SPHKAP: variants seen among roughly 807,000 people sequenced by gnomAD.
The protein encoded by SPHKAP is A-kinase anchor protein SPHKAP.
SPHKAP carries 67 observed loss-of-function variants against 137.5 expected under a neutral mutation model. The ratio of observed to expected loss-of-function variants is 0.49; its 90% CI spans 0.40 to 0.60. The LOEUF is 0.60. Ranked by LOEUF, SPHKAP falls within the 20% of genes least tolerant of loss-of-function variation. The pLI is 0.00. For missense variants in SPHKAP, 2,097 were observed against 2,069.3 expected, an observed-to-expected ratio of 1.01 and a Z score of -0.26; for synonymous variants, 813 against 785.3, an observed-to-expected ratio of 1.04 and a Z score of -0.59.
intron 3 of SPHKAP, among the ~76,000 whole-genome samples, chr2:228,102,754 T>C (rs1698218019): frequency 6.6e-6 from 1 of 152,134 alleles, no homozygotes; most frequent in African/African-American, 2.4e-5. Context: ...TGTTGTTTGT[T>C]TGTTTTGAAA....
At chr2:228,031,682 G>A (rs548702542) in intron 3 of SPHKAP, among the ~76,000 whole-genome samples, 32 of 152,264 alleles carry the variant, frequency 2.1e-4, no homozygotes, top group African/African-American at 7.0e-4. Context: ...CTAGAAGAAC[G>A]ATCAGGCAGC....
chr2:227,987,796 C>G (rs927855238), intron 11 of SPHKAP, among the ~76,000 whole-genome samples: 3 of 152,120 alleles, frequency 2.0e-5, no homozygotes, highest in Admixed American at 1.3e-4. Context: ...ACATACCTCC[C>G]TTTTCACAAG....
intron 1 of SPHKAP, among the ~76,000 whole-genome samples, chr2:228,133,371 G>A (rs578103715): frequency 4.0e-5 from 6 of 151,664 alleles, no homozygotes; most frequent in East Asian, 1.9e-4. Flanking sequence ...TTTTCAACAC[G>A]TGATAAAAAT....
chr2:228,047,037 T>C (rs1696087006), intron 3 of SPHKAP, among the ~76,000 whole-genome samples: 1 of 152,204 alleles, frequency 6.6e-6, no homozygotes, highest in East Asian at 1.9e-4. Context: ...TCAGTATCAG[T>C]ACCTGAATGA....
chr2:228,097,093 T>C (rs1233420828), intron 3 of SPHKAP, among the ~76,000 whole-genome samples: 1 of 152,136 alleles, frequency 6.6e-6, no homozygotes, highest in Non-Finnish European at 1.5e-5. Flanking sequence ...AAATAGAAAA[T>C]TATGTAGTCA....
chr2:228,140,180 C>T (rs1331288465), intron 1 of SPHKAP, among the ~76,000 whole-genome samples: 2 of 151,334 alleles, frequency 1.3e-5, no homozygotes, highest in Non-Finnish European at 2.9e-5. Context: ...CTCCTGACCT[C>T]AGGTGATGTG....
At chr2:228,145,822 T>C (rs1699759087) in intron 1 of SPHKAP, among the ~76,000 whole-genome samples, 1 of 152,182 alleles carries the variant, frequency 6.6e-6, no homozygotes, top group Non-Finnish European at 1.5e-5. Flanking sequence ...TGAAAGAATG[T>C]ACCTAAAAAA....
chr2:228,103,588 C>T (rs1698243230), intron 3 of SPHKAP, among the ~76,000 whole-genome samples: 1 of 152,148 alleles, frequency 6.6e-6, no homozygotes, highest in Non-Finnish European at 1.5e-5. Context: ...CTCACTCTGC[C>T]CTCCGCAGCC....
intron 11 of SPHKAP, among the ~76,000 whole-genome samples, chr2:227,983,095 T>A (rs1165299165): frequency 2.6e-5 from 4 of 152,320 alleles, no homozygotes; most frequent in Non-Finnish European, 5.9e-5. Flanking sequence ...ATTTTTTTTC[T>A]AGGATTTTTT....
chr2:228,129,662 T>G (rs2106372531), intron 2 of SPHKAP, among the ~76,000 whole-genome samples: 2 of 152,080 alleles, frequency 1.3e-5, no homozygotes, highest in East Asian at 1.9e-4. Context: ...TATGTTAAAA[T>G]TTTACATTCT....
At chr2:227,992,197 A>C (rs1693438585) in intron 9 of SPHKAP, among the ~76,000 whole-genome samples, 2 of 152,222 alleles carry the variant, frequency 1.3e-5, no homozygotes, top group Admixed American at 6.5e-5. Context: ...GTGTTGTTTG[A>C]CGATAGATGA....
Position 228,011,217 on chromosome 2 carries a change from C to A in SPHKAP, c.4448+5189G>T, listed in dbSNP as rs141329505. ...TTCTCCTCGTATCCAGAGCTTGAACCCTCAAAGATGCCTTTTTTTTTTTTT... is the reference window on the plus strand; with the variant it reads ...TTCTCCTCGTATCCAGAGCTTGAACACTCAAAGATGCCTTTTTTTTTTTTT... On this transcript the variant is annotated intron_variant, in intron 7 of 11. Coordinates refer to ENST00000392056, the MANE Select transcript of SPHKAP (RefSeq NM_001142644.2). Among the ~76,000 whole-genome samples, 830 of 134,186 alleles carry A rather than the reference C, an allele frequency of 6.2e-3. 10 individuals carry two copies. The highest frequency in any genetic ancestry group is 0.021 in the African/African-American group (758 of 35,420). 88.0% of individuals were successfully genotyped at this position (134,186 alleles called of 152,430 possible).
chr2:228,063,143 C>CTAT (rs1696707593), intron 3 of SPHKAP, among the ~76,000 whole-genome samples: 2 of 145,858 alleles, frequency 1.4e-5, no homozygotes, highest in South Asian at 2.2e-4. Context: ...TAGATAGATC[C>CTAT]CTATCTATCT....
In SPHKAP at chr2:228,105,698, G is replaced by A. The variant is rs1440420924; in HGVS notation, c.246+3134C>T. Among the ~76,000 whole-genome samples, 7 of 152,154 alleles carry A rather than the reference G, an allele frequency of 4.6e-5. No individual in the cohort carries two copies. In the East Asian group the frequency reaches 7.8e-4, roughly 17 times the overall value. ...TTTCCCCCATACTGTTCCGGTGACG[G>A]TGACTAAGTCTCACAAGAGCTGATG... On this transcript the variant is annotated intron_variant, in intron 3 of 11. Transcript: ENST00000392056.
At chr2:228,009,638 T>G (rs1049716928) in intron 7 of SPHKAP, among the ~76,000 whole-genome samples, 2 of 152,200 alleles carry the variant, frequency 1.3e-5, no homozygotes, top group Non-Finnish European at 2.9e-5. Flanking sequence ...AAGTTTATGT[T>G]GTTGAGTACT....
At chr2:228,045,993 C>T (rs1251338205) in intron 3 of SPHKAP, among the ~76,000 whole-genome samples, 1 of 152,002 alleles carries the variant, frequency 6.6e-6, no homozygotes, top group Non-Finnish European at 1.5e-5. Context: ...ATCTAATGTA[C>T]AGCATGGTGA....
rs542014344 is a variant in SPHKAP, at chr2:228,106,000, C to T, written c.246+2832G>A. On this transcript the variant is annotated intron_variant, in intron 3 of 11. Transcript: ENST00000392056. ...ACTTCCTGGATAGCGGTTCCTGTTC[C>T]GCATGCCTATCATATTTCTAGCTGC... 6.8e-4 allele frequency among the ~76,000 whole-genome samples: 104 copies of T among 152,260 alleles called. 1 individual carries two copies. The South Asian group carries it at 0.016, about 23-fold the overall frequency.
intron 11 of SPHKAP, among the ~76,000 whole-genome samples, chr2:227,986,065 G>A (rs1403148746): frequency 6.6e-6 from 1 of 152,142 alleles, no homozygotes. Flanking sequence ...GAGCATTGGA[G>A]TTCGTAAAAC....
intron 2 of SPHKAP, among the ~76,000 whole-genome samples, chr2:228,129,778 G>A (rs1699188857): frequency 6.7e-6 from 1 of 149,928 alleles, no homozygotes; most frequent in African/African-American, 2.5e-5. Flanking sequence ...TTAAAGATTA[G>A]CTTTAGTTTT....
Sources: gnomAD v4.1 joint callset for allele counts (sites outside exome capture counted in the v4.1 genomes callset) on GRCh38, gnomAD v4.1.1 for gene constraint, MANE v1.5 for transcripts, NCBI Gene and HGNC (gene_info 2026-07-23, HGNC 2026-07-21) for gene names.